Variants in ALS2 observed in about 807,000 individuals in gnomAD.
ALS2 encodes the protein alsin Rho guanine nucleotide exchange factor ALS2.
ALS2 carries 117 observed loss-of-function variants against 203.4 expected under a neutral mutation model. That is an observed-to-expected ratio of 0.58 (90% CI 0.50 to 0.67). The LOEUF is 0.67. Ranked by LOEUF, ALS2 falls within the 30% of genes least tolerant of loss-of-function variation. The probability of loss-of-function intolerance (pLI) is 0.00; values close to 1 mark genes in which losing one functional copy is unlikely to be tolerated. For missense variants in ALS2, 1,715 were observed against 1,989.4 expected (o/e 0.86, Z 2.62); for synonymous variants, 718 against 725.9 (o/e 0.99, Z 0.17).
chr2:201,701,624 C>T lies in ALS2; in HGVS notation c.*227G>A. The T allele has an allele frequency of 3.8e-6, 2 of 519,652 alleles. No individual in the cohort carries two copies. The highest frequency in any genetic ancestry group is 5.6e-5 in the South Asian group (2 of 35,546). 32.2% of individuals were successfully genotyped at this position (519,652 alleles called of 1,614,324 possible). A position where few individuals can be genotyped will look rare whatever the true frequency, so the allele number is the denominator to read the frequency against. On this transcript the variant is annotated 3_prime_UTR_variant, in exon 34 of 34. Coordinates refer to ENST00000264276, the MANE Select transcript of ALS2 (RefSeq NM_020919.4). ...TTTGGAACTTATCATAGGCCAAGAACTGGTCTAATCTGATTTTTTACCTCC... is the reference window on the plus strand; with the variant it reads ...TTTGGAACTTATCATAGGCCAAGAATTGGTCTAATCTGATTTTTTACCTCC...
At chr2:201,733,592 T>C in intron 12 of ALS2, 154 bp from the exon 13 acceptor site, 1 of 693,870 alleles carries the variant, frequency 1.4e-6, no homozygotes, top group South Asian at 1.8e-5. Flanking sequence ...CAGATATAAT[T>C]AAAAGAATTT....
Position 201,715,854 on chromosome 2 carries a change from T to C in ALS2, c.3837-15A>G, listed in dbSNP as rs367873957. 9.9e-6 allele frequency: 16 copies of C among 1,613,894 alleles called. No homozygotes were observed. Among genetic ancestry groups the C allele is most frequent in the Non-Finnish European group, 1.2e-5 (14 of 1,179,852 alleles). On this transcript the variant is annotated splice_polypyrimidine_tract_variant and intron_variant, in intron 24 of 33. Coordinates refer to ENST00000264276, the MANE Select transcript of ALS2 (RefSeq NM_020919.4). ...CTAGCTTCCTGCTAATAAAGTCATA[T>C]CAACCTTTTATTAATCATTTCTTTT...
chr2:201,708,194 G>A (rs1039705050), intron 27 of ALS2, among the ~76,000 whole-genome samples: 3 of 152,076 alleles, frequency 2.0e-5, no homozygotes, highest in African/African-American at 4.8e-5. Context: ...CACGTGCTAT[G>A]ATTTTCTCCT....
intron 11 of ALS2, chr2:201,741,156 G>A (rs1450320626): frequency 6.5e-6 from 1 of 153,668 alleles, no homozygotes; most frequent in African/African-American, 2.4e-5. Context: ...GGGATATTTT[G>A]CTTGAAAAAT....
chr2:201,777,966 G>T (rs949677243), intron 1 of ALS2, among the ~76,000 whole-genome samples: 1 of 152,060 alleles, frequency 6.6e-6, no homozygotes, highest in Non-Finnish European at 1.5e-5. Flanking sequence ...TTTACAGTTG[G>T]ATTGCTCTAC....
chr2:201,754,065 A>T (rs1032746803), intron 6 of ALS2, among the ~76,000 whole-genome samples: 1 of 150,114 alleles, frequency 6.7e-6, no homozygotes, highest in Non-Finnish European at 1.5e-5. Context: ...GGCTGAAGTG[A>T]AGTGGCACAA....
At position 201,744,334 on chromosome 2, in the gene ALS2, T is replaced by C; in HGVS notation, c.2094A>G (p.Leu698=). Residue 698 remains leucine, a synonymous_variant, in exon 10 of 34, where the codon TTA becomes TTG. Coordinates refer to ENST00000264276, the MANE Select transcript of ALS2 (RefSeq NM_020919.4). ...AATAGAATCGTCTTTCTGTAGTAGC[T>C]AACTCGTGGAGACTGGCAATATACC... ...IMGYIASLHE[L]ATTERRFYSK... is the part of the protein sequence containing the mutation. The C allele has an allele frequency of 6.2e-7, 1 of 1,614,066 alleles. No individual in the cohort carries two copies. Among genetic ancestry groups the C allele is most frequent in the African/African-American group, 1.3e-5 (1 of 75,040 alleles).
intron 6 of ALS2, among the ~76,000 whole-genome samples, chr2:201,753,849 G>A (rs964050492): frequency 2.0e-5 from 3 of 151,978 alleles, no homozygotes; most frequent in African/African-American, 2.4e-5. Flanking sequence ...GACAGGTGGG[G>A]GCCTCTTTTT....
At chr2:201,746,805 G>C (rs552908365) in intron 8 of ALS2, 57 bp from the exon 9 acceptor site, 18 of 1,588,314 alleles carry the variant, frequency 1.1e-5, no homozygotes, top group South Asian at 2.2e-5. Flanking sequence ...AGAGAACTTC[G>C]GATCCACAGG....
intron 24 of ALS2, among the ~76,000 whole-genome samples, chr2:201,717,641 A>G (rs866002163): frequency 2.6e-5 from 3 of 115,752 alleles, no homozygotes; most frequent in African/African-American, 9.9e-5. Flanking sequence ...TTGTTTAAGA[A>G]AAAAAAAAAA....
At position 201,726,670 on chromosome 2, in the gene ALS2, T is replaced by A. The variant is rs1691182915; in HGVS notation, c.3176A>T (p.His1059Leu). Residue 1059 changes from histidine (H) to leucine (L), a missense_variant, in exon 18 of 34, where the codon CAT becomes CTT. By Grantham distance (99) the His-to-Leu change is moderately conservative. This residue lies in a region of ALS2 where 1,227 missense variants were observed against 1,413.5 expected (regional missense o/e 0.87). Transcript: ENST00000264276. ...AAATCTTCAACATTTTCACCTGCCA[T>A]GAGGCTTCCCTGAAAGCCAGCGTCC... ...YDGRWLSGKP[H>L]GRGVLKWPDG... The A allele has an allele frequency of 6.2e-7, 1 of 1,614,174 alleles. No individual in the cohort carries two copies.
chr2:201,723,979 G>A (rs113524715), intron 21 of ALS2, among the ~76,000 whole-genome samples: 13,012 of 152,076 alleles, frequency 0.086, 630 homozygotes, highest in Middle Eastern at 0.12. Flanking sequence ...TTAACTGGGC[G>A]TGGTGGTGTG....
rs1185192012 is a variant in ALS2 at position 201,747,432 on chromosome 2, G to A, written c.1816-684C>T. 4.6e-5 allele frequency among the ~76,000 whole-genome samples: 7 copies of A among 150,980 alleles called. No homozygotes were observed. In the South Asian group the frequency reaches 1.0e-3, roughly 23 times the overall value. On this transcript the variant is annotated intron_variant, in intron 8 of 33. Coordinates refer to ENST00000264276, the MANE Select transcript of ALS2 (RefSeq NM_020919.4). The stretch of plus-strand genomic sequence containing the variant: ...GGCCCCAGAGCTACTGGGGGAAGGG[G>A]AATGGGGAATAGAGTCCAGCACTCG...
intron 24 of ALS2, among the ~76,000 whole-genome samples, chr2:201,717,176 T>A (rs1690457611): frequency 6.6e-6 from 1 of 151,976 alleles, no homozygotes. Flanking sequence ...TTAAGAATGC[T>A]CTTTCAGGCT....
Position 201,717,339 on chromosome 2 carries a change from A to T in ALS2, c.3836+738T>A, listed in dbSNP as rs574506372. On this transcript the variant is annotated intron_variant, in intron 24 of 33. Transcript: ENST00000264276. ...AAATTAGCCTGGCATGGTTGTGTGC[A>T]CCTACAGTCTCAGCTACTTGGAAGC... Among the ~76,000 whole-genome samples the T allele has an allele frequency of 2.6e-5, 4 of 151,946 alleles. No homozygotes were observed. In the East Asian group the frequency reaches 5.8e-4, roughly 22 times the overall value.
intron 29 of ALS2, among the ~76,000 whole-genome samples, chr2:201,706,535 T>TTATATATATATATATATATATA (rs34345642): frequency 1.9e-4 from 28 of 143,848 alleles, no homozygotes; most frequent in African/African-American, 6.9e-4. Flanking sequence ...AGCTCACACT[T>TTATATATATATATATATATATA]TATATATATA....
rs1559053019 is a variant in ALS2, at chr2:201,729,092, T to C, written c.2672A>G (p.Tyr891Cys). The part of the protein sequence containing the change: ...HLGRKRKEAE[Y>C]TLGFWKTFPG... ...GAAGGTCTTCCAGAAGCCCAGTGTG[T>C]ATTCTGCTTCCTTCCTTTTCCTGCC... Residue 891 changes from tyrosine to cysteine, a missense_variant, in exon 14 of 34, where the codon TAC (tyrosine) becomes TGC (cysteine). Coordinates refer to ENST00000264276, the MANE Select transcript of ALS2 (RefSeq NM_020919.4). 1.2e-6 allele frequency: 2 copies of C among 1,614,146 alleles called. No homozygotes were observed. Among genetic ancestry groups the C allele is most frequent in the East Asian group, 4.5e-5 (2 of 44,874 alleles).
At chr2:201,769,949 G>C (rs1694297905) in intron 1 of ALS2, among the ~76,000 whole-genome samples, 1 of 152,106 alleles carries the variant, frequency 6.6e-6, no homozygotes, top group African/African-American at 2.4e-5. Flanking sequence ...TCCACCTAAT[G>C]CTTATTTTAG....
In ALS2 at chr2:201,724,365, G is replaced by A. The variant is rs771334830; in HGVS notation, c.3442C>T (p.Pro1148Ser). ...LRSGKLTSSS[P>S]SMFIGQWVMD... Reference sequence around the variant, plus strand: ...ACCCACTGGCCAATGAACATACTAGGAGAAGAGGACGTCAATTTCCCACTT... The same window carrying A: ...ACCCACTGGCCAATGAACATACTAGAAGAAGAGGACGTCAATTTCCCACTT... Residue 1148 changes from proline (P) to serine (S), a missense_variant, in exon 21 of 34, where the codon CCT (proline) becomes TCT (serine). Physicochemically the swap from Pro to Ser is moderately conservative, Grantham distance 74. Coordinates refer to ENST00000264276, the MANE Select transcript of ALS2 (RefSeq NM_020919.4). The A allele has an allele frequency of 9.9e-6, 16 of 1,613,724 alleles. No homozygotes were observed. The highest frequency in any genetic ancestry group is 1.7e-5 in the Admixed American group (1 of 59,996).
Sources: allele counts gnomAD v4.1 joint callset (sites outside exome capture counted in the v4.1 genomes callset), GRCh38; gene constraint gnomAD v4.1.1; regional missense constraint gnomAD v4.1.1; transcripts MANE v1.5; gene names NCBI Gene and HGNC (gene_info 2026-07-23, HGNC 2026-07-21).